Variants in CTNND2 observed in about 807,000 individuals in gnomAD.
The protein encoded by CTNND2 is catenin delta 2.
A neutral mutation model predicts 144.4 loss-of-function variants in CTNND2; 22 were observed. The observed-to-expected ratio is 0.15, with a 90% CI of 0.11 to 0.22. The LOEUF is 0.22. Ranked by LOEUF, CTNND2 falls within the 10% of genes least tolerant of loss-of-function variation. The pLI is 1.00. For synonymous variants in CTNND2, 751 were observed against 695.6 expected, an observed-to-expected ratio of 1.08 and a Z score of -1.25; for missense variants, 1,353 against 1,618.8, an observed-to-expected ratio of 0.84 and a Z score of 2.82.
intron 9 of CTNND2, among the ~76,000 whole-genome samples, chr5:11,325,621 A>G (rs958814715): frequency 6.6e-6 from 1 of 151,850 alleles, no homozygotes; most frequent in Non-Finnish European, 1.5e-5. Context: ...AAGCCCTCCA[A>G]CCGACTGAAC....
chr5:11,647,910 T>G (rs1357943788), intron 2 of CTNND2, among the ~76,000 whole-genome samples: 1 of 152,196 alleles, frequency 6.6e-6, no homozygotes, highest in Admixed American at 6.5e-5. Flanking sequence ...ACCACCTGGA[T>G]AAAGTATAGT....
At chr5:11,255,145 C>T (rs762113312) in intron 9 of CTNND2, among the ~76,000 whole-genome samples, 42 of 152,180 alleles carry the variant, frequency 2.8e-4, no homozygotes, top group Non-Finnish European at 4.9e-4. Flanking sequence ...ACACACGAGA[C>T]TTTAAATTTA....
In CTNND2 at chr5:11,159,620, C is replaced by A. The variant is rs1264601473; in HGVS notation, c.2115G>T (p.Gln705His). Residue 705 changes from glutamine to histidine, a missense_variant, in exon 12 of 22, where the codon CAG becomes CAT. Physicochemically the swap from Gln to His is conservative, Grantham distance 24. Transcript: ENST00000304623. ...TACGCAGCACCTGTGATGAATGCAGCTGTATTTTCCGATCATCCTGAAGAG... is the reference window on the plus strand; with the variant it reads ...TACGCAGCACCTGTGATGAATGCAGATGTATTTTCCGATCATCCTGAAGAG... Reference protein sequence around the residue: ...NSPLQDDRKIQLHSSQVLRNA... With the variant: ...NSPLQDDRKIHLHSSQVLRNA... The A allele has an allele frequency of 1.9e-6, 3 of 1,613,608 alleles. No homozygotes were observed. Among genetic ancestry groups the A allele is most frequent in the Admixed American group, 1.7e-5 (1 of 59,942 alleles).
chr5:10,992,234 A>G (rs963200823), intron 19 of CTNND2, among the ~76,000 whole-genome samples: 2 of 152,190 alleles, frequency 1.3e-5, no homozygotes, highest in African/African-American at 4.8e-5. Context: ...AACTATTTTA[A>G]GTTGGAAAAA....
At chr5:11,587,752 T>C (rs1778968870) in intron 2 of CTNND2, among the ~76,000 whole-genome samples, 1 of 152,116 alleles carries the variant, frequency 6.6e-6, no homozygotes, top group African/African-American at 2.4e-5. Context: ...ACTTTATAAA[T>C]ACTAAAGAAT....
chr5:11,520,970 G>A (rs200480376), intron 3 of CTNND2, among the ~76,000 whole-genome samples: 20 of 152,078 alleles, frequency 1.3e-4, no homozygotes, highest in Admixed American at 1.2e-3. Context: ...AATAAATCAC[G>A]TTGTGCTATT....
At chr5:11,228,533 T>G (rs1740624764) in intron 10 of CTNND2, among the ~76,000 whole-genome samples, 1 of 150,704 alleles carries the variant, frequency 6.6e-6, no homozygotes, top group African/African-American at 2.4e-5. Context: ...TCACCCAGGC[T>G]GGAGTGCAGT....
rs912415134 is a variant in CTNND2 at position 11,365,014 on chromosome 5, A to G, written c.1178-124T>C. ...GAAATTCCCAGGAAACCAAATGAAT[A>G]GCATGAAATGGCAGCAATATGTCAA... On this transcript the variant is annotated intron_variant, in intron 7 of 21. Transcript: ENST00000304623. 2.0e-5 allele frequency: 15 copies of G among 760,230 alleles called. No homozygotes were observed. The South Asian group carries it at 2.1e-4, about 10-fold the overall frequency. The allele number at this position is 760,230 out of a possible 1,614,324, so 47.1% of individuals were successfully genotyped here.
At chr5:11,358,110 G>GA (rs1268711195) in intron 8 of CTNND2, among the ~76,000 whole-genome samples, 1 of 152,158 alleles carries the variant, frequency 6.6e-6, no homozygotes, top group Non-Finnish European at 1.5e-5. Context: ...CGTATGAGGT[G>GA]ACACATCTTC....
chr5:11,670,558 C>T (rs1314591998), intron 2 of CTNND2, among the ~76,000 whole-genome samples: 1 of 152,106 alleles, frequency 6.6e-6, no homozygotes, highest in Non-Finnish European at 1.5e-5. Context: ...TTATCAGAGA[C>T]AAGACTAGGA....
intron 2 of CTNND2, among the ~76,000 whole-genome samples, chr5:11,710,663 A>T (rs553560523): frequency 6.6e-6 from 1 of 152,188 alleles, no homozygotes; most frequent in Non-Finnish European, 1.5e-5. Context: ...TCTAGGAAAC[A>T]GGAACTGATG....
intron 12 of CTNND2, among the ~76,000 whole-genome samples, chr5:11,129,163 T>C (rs1178276646): frequency 4.9e-5 from 1 of 20,206 alleles, no homozygotes; most frequent in Non-Finnish European, 9.1e-5. Context: ...ATACATATAT[T>C]ATATATTATA....
chr5:11,203,522 A>C (rs1002260842), intron 10 of CTNND2, among the ~76,000 whole-genome samples: 14 of 152,276 alleles, frequency 9.2e-5, no homozygotes, highest in Middle Eastern at 3.4e-3. Flanking sequence ...GGCTCACTGC[A>C]ACCTCCGCCT....
intron 9 of CTNND2, among the ~76,000 whole-genome samples, chr5:11,340,591 T>C (rs1302882131): frequency 6.6e-6 from 1 of 152,234 alleles, no homozygotes; most frequent in Admixed American, 6.5e-5. Context: ...ATTTCTATAG[T>C]ATCAAATAAT....
At chr5:11,068,305 T>C (rs1273419662) in intron 16 of CTNND2, among the ~76,000 whole-genome samples, 1 of 152,194 alleles carries the variant, frequency 6.6e-6, no homozygotes, top group Non-Finnish European at 1.5e-5. Context: ...TGGCTCTGGG[T>C]CAGGCTCAGG....
In CTNND2 at chr5:11,817,427, GAGA is replaced by G. The variant is rs1168720208; in HGVS notation, c.38-85158_38-85156del. On this transcript the variant is annotated intron_variant, in intron 1 of 21. Coordinates refer to ENST00000304623, the MANE Select transcript of CTNND2 (RefSeq NM_001332.4). ...GAGAGGAGGGAGAGAGAGAGAGAGA[GAGA>G]GAGAGAGAGAGAGAGAGAGAGAGAG... Among the ~76,000 whole-genome samples, 2 of 2,020 alleles carry G rather than the reference GAGA, an allele frequency of 9.9e-4. 1 individual carries two copies. The highest frequency in any genetic ancestry group is 9.2e-3 in the Non-Finnish European group (2 of 218). 1.3% of individuals were successfully genotyped at this position (2,020 alleles called of 152,430 possible).
chr5:11,472,047 AG>A (rs1561443600), intron 3 of CTNND2, among the ~76,000 whole-genome samples: 2 of 152,312 alleles, frequency 1.3e-5, no homozygotes. Context: ...CCTAAACAAC[AG>A]TTTAATTTTT....
At chr5:11,571,945 G>C (rs1450296465) in intron 2 of CTNND2, among the ~76,000 whole-genome samples, 2 of 152,056 alleles carry the variant, frequency 1.3e-5, no homozygotes, top group African/African-American at 4.8e-5. Context: ...AAAAATTGAT[G>C]GCCTCTCAAA....
At chr5:11,027,119 C>A (rs1202963659) in intron 16 of CTNND2, 1 of 152,142 alleles carries the variant, frequency 6.6e-6, no homozygotes, top group Non-Finnish European at 1.5e-5. Context: ...AAAGTGGATA[C>A]CTTGCCTTGC....
Sources: allele counts gnomAD v4.1 joint callset (sites outside exome capture counted in the v4.1 genomes callset), GRCh38; gene constraint gnomAD v4.1.1; transcripts MANE v1.5; gene names NCBI Gene and HGNC (gene_info 2026-07-23, HGNC 2026-07-21).